GNPAT: variants seen among roughly 807,000 people sequenced by gnomAD.
GNPAT encodes the protein dihydroxyacetone phosphate acyltransferase.
A neutral mutation model predicts 78.4 loss-of-function variants in GNPAT; 30 were observed. The observed-to-expected ratio is 0.38, with a 90% CI of 0.29 to 0.52. The LOEUF (loss-of-function observed/expected upper bound fraction) is 0.52. Among genes scored for constraint, GNPAT ranks in the 20% least tolerant of loss-of-function variants. GNPAT has a pLI of 0.84. For missense variants in GNPAT, 714 were observed against 812.2 expected (o/e 0.88, Z 1.47); for synonymous variants, 271 against 281.1 (o/e 0.96, Z 0.36).
rs1685759800 is a variant in GNPAT, at chr1:231,277,840, A to C, written c.*298A>C. On this transcript the variant is annotated 3_prime_UTR_variant, in exon 16 of 16. Coordinates refer to ENST00000366647, the MANE Select transcript of GNPAT (RefSeq NM_014236.4). The stretch of plus-strand genomic sequence containing the variant: ...TCACTAACACTTTTCAGCTTACTAT[A>C]TGTATTAAACTTTTATGTTGACTTT... 1 of 317,836 alleles carries C rather than the reference A, an allele frequency of 3.1e-6. No homozygotes were observed. The allele number at this position is 317,836 out of a possible 1,614,324, so 19.7% of individuals were successfully genotyped here.
At position 231,270,742 on chromosome 1, in the gene GNPAT, T is replaced by C. The variant is rs763892425; in HGVS notation, c.1280-16T>C. 11 of 1,613,698 alleles carry C rather than the reference T, an allele frequency of 6.8e-6. No homozygotes were observed. The highest frequency in any genetic ancestry group is 4.0e-5 in the African/African-American group (3 of 74,900). Reference sequence around the variant, plus strand: ...CAGTGACCCATCTTGTTTGAATGAATTGTCTTTGTGTGTAGATAATAAACC... The same window carrying C: ...CAGTGACCCATCTTGTTTGAATGAACTGTCTTTGTGTGTAGATAATAAACC... On this transcript the variant is annotated splice_polypyrimidine_tract_variant and intron_variant, in intron 9 of 15. Transcript: ENST00000366647.
intron 12 of GNPAT, chr1:231,274,988 T>C (rs1685670210): frequency 4.3e-6 from 2 of 468,290 alleles, no homozygotes; most frequent in South Asian, 4.5e-5. Flanking sequence ...AATTATACTT[T>C]AATAAATGTC....
chr1:231,267,776 C>G lies in GNPAT; in HGVS notation c.1152C>G (p.Ser384Arg). ...ELLQIENMVL[S>R]PWTLIVAVLL... ...TGCAAATTGAAAACATGGTTTTGAG[C>G]CCCTGGACCCTAATAGTTGCTGTTC... Residue 384 changes from serine (S) to arginine (R), a missense_variant, in exon 9 of 16, where the codon AGC (serine) becomes AGG (arginine). By Grantham distance (110) the Ser-to-Arg change is moderately radical (BLOSUM62 -1). Transcript: ENST00000366647. 3.1e-6 allele frequency: 5 copies of G among 1,612,284 alleles called. No homozygotes were observed. Among genetic ancestry groups the G allele is most frequent in the Non-Finnish European group, 4.2e-6 (5 of 1,178,408 alleles).
intron 4 of GNPAT, among the ~76,000 whole-genome samples, chr1:231,264,970 A>G (rs560786709): frequency 6.6e-6 from 1 of 152,308 alleles, no homozygotes; most frequent in East Asian, 1.9e-4. Context: ...TCTTTTCTAT[A>G]ATTCTATTAG....
chr1:231,265,281 C>T lies in GNPAT; in HGVS notation c.569-12C>T. On this transcript the variant is annotated splice_polypyrimidine_tract_variant and intron_variant, in intron 4 of 15. Coordinates refer to ENST00000366647, the MANE Select transcript of GNPAT (RefSeq NM_014236.4). ...CAAGATCTGCAAATAAATATTATCC[C>T]CTCTTTTTTAGACTTCCTGGGAATG... 1 of 1,597,324 alleles carries T rather than the reference C, an allele frequency of 6.3e-7. No individual in the cohort carries two copies. Among genetic ancestry groups the T allele is most frequent in the Non-Finnish European group, 8.6e-7 (1 of 1,164,616 alleles).
intron 2 of GNPAT, among the ~76,000 whole-genome samples, chr1:231,253,748 T>G (rs191651577): frequency 1.3e-5 from 2 of 152,370 alleles, no homozygotes; most frequent in Non-Finnish European, 2.9e-5. Context: ...TATTATCTAC[T>G]AGGAGGTAAA....
Position 231,274,028 on chromosome 1 carries a change from T to G in GNPAT, c.1709T>G (p.Val570Gly). Residue 570 changes from valine (V) to glycine (G), a missense_variant, in exon 12 of 16, where the codon GTA becomes GGA. Val to Gly is a moderately radical substitution (Grantham distance 109). Coordinates refer to ENST00000366647, the MANE Select transcript of GNPAT (RefSeq NM_014236.4). ...EKGNTVLEFL[V>G]GLFKPFVESY... ...GGAAATACTGTGTTAGAATTTTTAG[T>G]AGGACTCTTTAAACCTTTTGTGGAA... 1 of 1,613,458 alleles carries G rather than the reference T, an allele frequency of 6.2e-7. No individual in the cohort carries two copies. The highest frequency in any genetic ancestry group is 1.3e-5 in the African/African-American group (1 of 75,050).
intron 2 of GNPAT, among the ~76,000 whole-genome samples, chr1:231,258,788 A>C (rs1042186552): frequency 6.8e-6 from 1 of 147,470 alleles, no homozygotes; most frequent in African/African-American, 2.5e-5. Flanking sequence ...CCACCACCAC[A>C]CCCAGCTAAT....
intron 2 of GNPAT, among the ~76,000 whole-genome samples, chr1:231,254,258 C>T (rs572070470): frequency 5.9e-5 from 9 of 152,184 alleles, no homozygotes; most frequent in Non-Finnish European, 1.3e-4. Context: ...AGATTGGAAT[C>T]GTACAAATTC....
At chr1:231,276,489 C>G (rs1685720235) in intron 15 of GNPAT, among the ~76,000 whole-genome samples, 1 of 152,220 alleles carries the variant, frequency 6.6e-6, no homozygotes, top group South Asian at 2.1e-4. Flanking sequence ...ATCCTTGCCT[C>G]AGAGAGAGTA....
intron 15 of GNPAT, among the ~76,000 whole-genome samples, chr1:231,276,848 C>T: frequency 6.6e-6 from 1 of 152,142 alleles, no homozygotes; most frequent in East Asian, 1.9e-4. Flanking sequence ...AAAAAATAAT[C>T]TGCTGATTAT....
At chr1:231,248,610 A>G (rs765563203) in intron 1 of GNPAT, among the ~76,000 whole-genome samples, 1 of 152,126 alleles carries the variant, frequency 6.6e-6, no homozygotes, top group Non-Finnish European at 1.5e-5. Context: ...ATGTAAGTAG[A>G]CCTGTGCAGT....
chr1:231,254,219 C>G (rs1684979408), intron 2 of GNPAT, among the ~76,000 whole-genome samples: 1 of 152,190 alleles, frequency 6.6e-6, no homozygotes. Flanking sequence ...CTTGGCTGTG[C>G]TGCTGAGAAA....
Position 231,275,285 on chromosome 1 carries a change from C to T in GNPAT, c.1808C>T (p.Ala603Val). The change falls in exon 13 of 16, where the codon GCA becomes GTA. Residue 603 changes from alanine (A) to valine (V), a missense_variant. Ala to Val is a moderately conservative substitution (Grantham distance 64, BLOSUM62 0). Transcript: ENST00000366647. ...TTCAGTGAGGAACAGTACTTGGCTGCAGTCAGAAAATTCACAAGTCAGCTT... is the reference window on the plus strand; with the variant it reads ...TTCAGTGAGGAACAGTACTTGGCTGTAGTCAGAAAATTCACAAGTCAGCTT... The part of the protein sequence containing the change: ...DHFSEEQYLA[A>V]VRKFTSQLLD... 3 of 1,612,864 alleles carry T rather than the reference C, an allele frequency of 1.9e-6. No individual in the cohort carries two copies. The highest frequency in any genetic ancestry group is 1.1e-5 in the South Asian group (1 of 91,072).
At chr1:231,246,820 T>G (rs961805578) in intron 1 of GNPAT, among the ~76,000 whole-genome samples, 1 of 152,184 alleles carries the variant, frequency 6.6e-6, no homozygotes, top group African/African-American at 2.4e-5. Flanking sequence ...AACCTGGATA[T>G]CAGTATTTAT....
At position 231,275,405 on chromosome 1, in the gene GNPAT, G is replaced by A. The variant is rs372823753; in HGVS notation, c.1844G>A (p.Gly615Asp). The change falls in exon 14 of 16, where the codon GGT (glycine) becomes GAT (aspartate). Residue 615 changes from glycine to aspartate, a missense_variant and splice_region_variant. Transcript: ENST00000366647. Reference protein sequence around the residue: ...RKFTSQLLDQGTSQCYDVLSS... With the variant: ...RKFTSQLLDQDTSQCYDVLSS... ...AACTCTTCCTCACCCCCAATTTTAG[G>A]TACCTCTCAATGTTATGATGTATTA... is the stretch of plus-strand genomic sequence containing the variant. The A allele has an allele frequency of 9.3e-6, 15 of 1,604,456 alleles. No individual in the cohort carries two copies. The highest frequency in any genetic ancestry group is 6.7e-5 in the African/African-American group (5 of 74,694).
chr1:231,268,411 A>C (rs759851472), intron 9 of GNPAT, among the ~76,000 whole-genome samples: 2 of 152,188 alleles, frequency 1.3e-5, no homozygotes, highest in Non-Finnish European at 2.9e-5. Context: ...GTCATTTCCC[A>C]CTACGAGACT....
intron 5 of GNPAT, 84 bp downstream of exon 5, chr1:231,265,504 G>A (rs113133731): frequency 8.4e-7 from 1 of 1,197,580 alleles, no homozygotes; most frequent in South Asian, 1.2e-5. Context: ...CTTCTGAATA[G>A]AACACTTAGC....
chr1:231,242,438 A>G (rs1217039234), intron 1 of GNPAT, among the ~76,000 whole-genome samples: 1 of 152,238 alleles, frequency 6.6e-6, no homozygotes, highest in East Asian at 1.9e-4. Flanking sequence ...GGGTTCCTTC[A>G]AATTGAGACA....
Sources: allele counts gnomAD v4.1 joint callset (sites outside exome capture counted in the v4.1 genomes callset), GRCh38; gene constraint gnomAD v4.1.1; transcripts MANE v1.5; gene names NCBI Gene and HGNC (gene_info 2026-07-23, HGNC 2026-07-21).